BMP6: variants seen among roughly 807,000 people sequenced by gnomAD.
The protein encoded by BMP6 is VG-1-R.
A neutral mutation model predicts 54.1 loss-of-function variants in BMP6; 17 were observed. That is an observed-to-expected ratio of 0.31 (90% confidence interval 0.22 to 0.47). The LOEUF is 0.47. Ranked by LOEUF, BMP6 falls within the 20% of genes least tolerant of loss-of-function variation. The pLI is 1.00. For synonymous variants in BMP6, 328 were observed against 291.2 expected (o/e 1.13, Z -1.28); for missense variants, 720 against 690.4 (o/e 1.04, Z -0.48).
At chr6:7,870,579 C>T (rs1256358111) in intron 4 of BMP6, among the ~76,000 whole-genome samples, 2 of 152,158 alleles carry the variant, frequency 1.3e-5, no homozygotes, top group Admixed American at 1.3e-4. Flanking sequence ...TGCTGAAGAA[C>T]CTTCCTTAGG....
At chr6:7,866,917 C>G (rs761780804) in intron 4 of BMP6, among the ~76,000 whole-genome samples, 1 of 152,184 alleles carries the variant, frequency 6.6e-6, no homozygotes, top group Non-Finnish European at 1.5e-5. Flanking sequence ...GTTGGCCAGA[C>G]TGGAGTGCAA....
chr6:7,871,969 A>G (rs1359106313), intron 4 of BMP6, among the ~76,000 whole-genome samples: 3 of 151,078 alleles, frequency 2.0e-5, no homozygotes. Context: ...CAGGCCACCT[A>G]CAAGTCACAC....
intron 1 of BMP6, among the ~76,000 whole-genome samples, chr6:7,777,880 G>T (rs550484462): frequency 5.9e-5 from 9 of 152,040 alleles, no homozygotes; most frequent in Non-Finnish European, 8.8e-5. Flanking sequence ...TAGAGCCCCC[G>T]TCCGGGACAC....
chr6:7,822,548 G>C (rs1258748062), intron 1 of BMP6, among the ~76,000 whole-genome samples: 3 of 152,072 alleles, frequency 2.0e-5, no homozygotes, highest in African/African-American at 7.2e-5. Context: ...ATTTCTGTGG[G>C]TTTTATTTCT....
intron 1 of BMP6, among the ~76,000 whole-genome samples, chr6:7,785,066 G>GC (rs1202266809): frequency 6.6e-6 from 1 of 152,214 alleles, no homozygotes; most frequent in Non-Finnish European, 1.5e-5. Context: ...CCAGCCCCAA[G>GC]CACCTGTTCC....
intron 4 of BMP6, among the ~76,000 whole-genome samples, chr6:7,871,356 A>G (rs1237524701): frequency 6.6e-6 from 1 of 152,264 alleles, no homozygotes; most frequent in African/African-American, 2.4e-5. Flanking sequence ...CATCTGATAC[A>G]TTCTCAAAGC....
chr6:7,853,062 G>C (rs530912647), intron 2 of BMP6, among the ~76,000 whole-genome samples: 1 of 152,022 alleles, frequency 6.6e-6, no homozygotes, highest in Non-Finnish European at 1.5e-5. Context: ...TCTGTGCCTC[G>C]TACTAGAAAT....
chr6:7,774,919 CCTT>C (rs1455002500), intron 1 of BMP6, among the ~76,000 whole-genome samples: 3 of 152,054 alleles, frequency 2.0e-5, no homozygotes, highest in Non-Finnish European at 4.4e-5. Context: ...CTGATGAGGG[CCTT>C]CTTGTTGTAT....
intron 1 of BMP6, among the ~76,000 whole-genome samples, chr6:7,793,940 A>AT (rs1157150298): frequency 6.6e-6 from 1 of 152,178 alleles, no homozygotes; most frequent in Non-Finnish European, 1.5e-5. Context: ...CCAGGCTCGC[A>AT]TCTGCTGCTT....
intron 1 of BMP6, among the ~76,000 whole-genome samples, chr6:7,774,829 A>T (rs1278307374): frequency 6.6e-6 from 1 of 152,222 alleles, no homozygotes; most frequent in Non-Finnish European, 1.5e-5. Context: ...CTTGGCAATT[A>T]TAAAGAAAAG....
intron 1 of BMP6, among the ~76,000 whole-genome samples, chr6:7,730,267 T>A (rs1326528293): frequency 6.6e-6 from 1 of 152,062 alleles, no homozygotes; most frequent in African/African-American, 2.4e-5. Flanking sequence ...TAACATAGTA[T>A]CTCCCTAGGG....
rs758234891 is a variant in BMP6 at position 7,786,019 on chromosome 6, A to G, written c.664+58400A>G. ...AGAATGTTTCTTTGCCCTTGTATTAACGAATGTGCCCCTGAAGAGTCTTGA... is the reference window on the plus strand; with the variant it reads ...AGAATGTTTCTTTGCCCTTGTATTAGCGAATGTGCCCCTGAAGAGTCTTGA... On this transcript the variant is annotated intron_variant, in intron 1 of 6. Transcript: ENST00000283147. 1.6e-4 allele frequency among the ~76,000 whole-genome samples: 24 copies of G among 152,210 alleles called. 1 individual carries two copies. The highest frequency in any genetic ancestry group is 7.3e-5 in the Non-Finnish European group (5 of 68,034).
rs1471812599 is a variant in BMP6 at position 7,861,751 on chromosome 6, C to G, written c.1006+152C>G. On this transcript the variant is annotated intron_variant, in intron 3 of 6. Coordinates refer to ENST00000283147, the MANE Select transcript of BMP6 (RefSeq NM_001718.6). ...GATCCCCCATGACTTGCATTGAGAA[C>G]CAAAACCTTTCCCGGAGGCCTCCTA... The G allele has an allele frequency of 4.2e-6, 5 of 1,201,164 alleles. No individual in the cohort carries two copies. The East Asian group carries it at 1.2e-4, about 29-fold the overall frequency. 74.4% of individuals were successfully genotyped at this position (1,201,164 alleles called of 1,614,324 possible). A position where few individuals can be genotyped will look rare whatever the true frequency, so the allele number is the denominator to read the frequency against.
intron 1 of BMP6, among the ~76,000 whole-genome samples, chr6:7,841,502 C>A (rs1170366567): frequency 6.6e-6 from 1 of 152,184 alleles, no homozygotes; most frequent in East Asian, 1.9e-4. Context: ...GTATTTATTT[C>A]TTATATCCCT....
At chr6:7,869,762 A>G (rs1759490045) in intron 4 of BMP6, among the ~76,000 whole-genome samples, 1 of 152,204 alleles carries the variant, frequency 6.6e-6, no homozygotes. Context: ...GCTGATTGTC[A>G]GGTCCAAGGC....
chr6:7,793,462 G>C (rs944254326), intron 1 of BMP6, among the ~76,000 whole-genome samples: 1 of 152,104 alleles, frequency 6.6e-6, no homozygotes, highest in South Asian at 2.1e-4. Flanking sequence ...TCATTATACG[G>C]TTGCCCAAAC....
intron 1 of BMP6, among the ~76,000 whole-genome samples, chr6:7,738,234 A>ACTTTTAC (rs1273749818): frequency 4.6e-5 from 7 of 152,134 alleles, no homozygotes; most frequent in African/African-American, 2.4e-5. Context: ...GTTTGAACTG[A>ACTTTTAC]CTTTTACTCT....
intron 4 of BMP6, among the ~76,000 whole-genome samples, chr6:7,870,807 T>G (rs1759512336): frequency 6.6e-6 from 1 of 152,188 alleles, no homozygotes; most frequent in African/African-American, 2.4e-5. Flanking sequence ...TTTTGTATTT[T>G]TAGTAGAGAC....
At chr6:7,805,906 T>G (rs949427187) in intron 1 of BMP6, among the ~76,000 whole-genome samples, 10 of 152,166 alleles carry the variant, frequency 6.6e-5, no homozygotes, top group Non-Finnish European at 8.8e-5. Flanking sequence ...AGAAGGCACG[T>G]TTGAATCTGT....
Sources: allele counts gnomAD v4.1 joint callset (sites outside exome capture counted in the v4.1 genomes callset), GRCh38; gene constraint gnomAD v4.1.1; transcripts MANE v1.5; gene names NCBI Gene and HGNC (gene_info 2026-07-23, HGNC 2026-07-21).